The following PAWR variants were observed in gnomAD, a reference collection of about 807,000 sequenced individuals.
The protein encoded by PAWR is pro-apoptotic WT1 regulator.
A neutral mutation model predicts 32.0 loss-of-function variants in PAWR; 23 were observed. The observed-to-expected ratio is 0.72, with a 90% confidence interval of 0.52 to 1.02. The LOEUF (loss-of-function observed/expected upper bound fraction) is 1.02, where lower values mean the gene tolerates loss of function less well. Ranked by LOEUF, PAWR falls within the 50% of genes least tolerant of loss-of-function variation. The probability of loss-of-function intolerance (pLI) is 0.00; values close to 1 mark genes in which losing one functional copy is unlikely to be tolerated. For missense variants in PAWR, 457 were observed against 437.7 expected, an observed-to-expected ratio of 1.04 and a Z score of -0.39; for synonymous variants, 226 against 187.1, an observed-to-expected ratio of 1.21 and a Z score of -1.70.
Position 79,585,914 on chromosome 12 carries a change from C to T in PAWR, c.*6693G>A, listed in dbSNP as rs990015392. ...GTATAGACGGCATAACCCTGTGTTA[C>T]CCCGTTGGTATTACAGGCATGAGCC... On this transcript the variant is annotated 3_prime_UTR_variant, in exon 7 of 7. Transcript: ENST00000328827. 6.6e-6 allele frequency: 1 copy of T among 152,102 alleles called. No homozygotes were observed. Among genetic ancestry groups the T allele is most frequent in the African/African-American group, 2.4e-5 (1 of 41,400 alleles). 9.4% of individuals were successfully genotyped at this position (152,102 alleles called of 1,614,324 possible).
intron 4 of PAWR, among the ~76,000 whole-genome samples, chr12:79,607,373 C>A (rs1004419061): frequency 1.3e-5 from 2 of 152,224 alleles, no homozygotes; most frequent in East Asian, 3.9e-4. Flanking sequence ...GACTCTCTTT[C>A]TTTAACTACT....
chr12:79,676,262 C>T (rs1280427265), intron 2 of PAWR, among the ~76,000 whole-genome samples: 5 of 152,060 alleles, frequency 3.3e-5, no homozygotes, highest in South Asian at 2.1e-4. Flanking sequence ...ATTAATATGG[C>T]CTGCTTATTC....
intron 2 of PAWR, among the ~76,000 whole-genome samples, chr12:79,626,082 T>C (rs1437539737): frequency 8.5e-6 from 1 of 117,698 alleles, no homozygotes; most frequent in Admixed American, 9.7e-5. Context: ...GAGAATGGAG[T>C]GAACCCGGGA....
chr12:79,633,570 T>C (rs1292857761), intron 2 of PAWR, among the ~76,000 whole-genome samples: 1 of 152,086 alleles, frequency 6.6e-6, no homozygotes, highest in South Asian at 2.1e-4. Flanking sequence ...TAAAAACCAC[T>C]CTTGGCTCTC....
intron 4 of PAWR, among the ~76,000 whole-genome samples, chr12:79,600,813 A>G (rs1391253966): frequency 1.3e-5 from 2 of 152,104 alleles, no homozygotes. Context: ...ACAAATGACT[A>G]ACTTCAAAAT....
At chr12:79,606,485 G>A (rs1874187422) in intron 4 of PAWR, among the ~76,000 whole-genome samples, 1 of 152,120 alleles carries the variant, frequency 6.6e-6, no homozygotes, top group African/African-American at 2.4e-5. Flanking sequence ...AACTCTAGAT[G>A]TTGTTAGACT....
intron 2 of PAWR, among the ~76,000 whole-genome samples, chr12:79,646,286 G>C (rs1451821650): frequency 1.3e-5 from 2 of 152,130 alleles, no homozygotes; most frequent in African/African-American, 4.8e-5. Context: ...GGACACTCCT[G>C]CCCCGTATGC....
Position 79,690,156 on chromosome 12 carries a change from A to G in PAWR, c.89T>C (p.Met30Thr). 2 of 1,526,370 alleles carry G rather than the reference A, an allele frequency of 1.3e-6. No individual in the cohort carries two copies. The highest frequency in any genetic ancestry group is 8.8e-7 in the Non-Finnish European group (1 of 1,140,078). The allele number at this position is 1,526,370 out of a possible 1,614,324, so 94.6% of individuals were successfully genotyped here. ...GCCCGGGGGGTTCTGCTTGGCGCGC[A>G]TCTTCTCGCGTTTCGCCTTCCACTC... ...LEEWKAKREK[M>T]RAKQNPPGPA... Residue 30 changes from methionine (M) to threonine (T), a missense_variant, in exon 2 of 7, where the codon ATG becomes ACG. Transcript: ENST00000328827.
intron 2 of PAWR, among the ~76,000 whole-genome samples, chr12:79,652,385 C>T (rs1876890881): frequency 2.6e-5 from 4 of 152,138 alleles, no homozygotes. Flanking sequence ...TACAAAGATA[C>T]TCATTGGCTA....
At chr12:79,670,825 A>G (rs1877853980) in intron 2 of PAWR, among the ~76,000 whole-genome samples, 1 of 151,886 alleles carries the variant, frequency 6.6e-6, no homozygotes, top group African/African-American at 2.4e-5. Context: ...AACACAATTT[A>G]TAAATGAAAT....
intron 2 of PAWR, among the ~76,000 whole-genome samples, chr12:79,680,199 G>C (rs978224138): frequency 5.3e-5 from 8 of 152,190 alleles, no homozygotes; most frequent in African/African-American, 1.9e-4. Context: ...TGCAAGAAAT[G>C]CTCAGCAGGC....
intron 2 of PAWR, among the ~76,000 whole-genome samples, chr12:79,640,441 T>G (rs769624627): frequency 1.3e-5 from 2 of 152,184 alleles, no homozygotes; most frequent in African/African-American, 2.4e-5. Context: ...CTTCTCAAGC[T>G]GATTAGTATT....
At chr12:79,651,667 G>A (rs556664855) in intron 2 of PAWR, among the ~76,000 whole-genome samples, 53 of 140,962 alleles carry the variant, frequency 3.8e-4, no homozygotes, top group African/African-American at 1.3e-3. Flanking sequence ...CTCGAGCCTA[G>A]GAGTTCAAAG....
At chr12:79,676,683 C>T (rs1878186733) in intron 2 of PAWR, among the ~76,000 whole-genome samples, 3 of 152,238 alleles carry the variant, frequency 2.0e-5, no homozygotes, top group African/African-American at 4.8e-5. Flanking sequence ...CAAAAACCTT[C>T]GGGCTTGTTT....
At chr12:79,633,779 GA>G (rs1430533206) in intron 2 of PAWR, among the ~76,000 whole-genome samples, 3 of 152,040 alleles carry the variant, frequency 2.0e-5, no homozygotes, top group Non-Finnish European at 4.4e-5. Flanking sequence ...CTTTGAACAT[GA>G]ATATATATTT....
In PAWR at chr12:79,621,330, A is replaced by G. The variant is rs1412751218; in HGVS notation, c.517-123T>C. 25 of 736,982 alleles carry G rather than the reference A, an allele frequency of 3.4e-5. No individual in the cohort carries two copies. In the South Asian group the frequency reaches 3.4e-4, roughly 10 times the overall value. The allele number at this position is 736,982 out of a possible 1,614,324, so 45.7% of individuals were successfully genotyped here. Reference sequence around the variant, plus strand: ...CATTCAGAAATTAGTTTGCATAATAAAAGTATTTTTCTTTCAGCAATATGT... The same window carrying G: ...CATTCAGAAATTAGTTTGCATAATAGAAGTATTTTTCTTTCAGCAATATGT... On this transcript the variant is annotated intron_variant, in intron 2 of 6. Transcript: ENST00000328827.
intron 5 of PAWR, among the ~76,000 whole-genome samples, chr12:79,595,136 A>C (rs1408618823): frequency 6.6e-6 from 1 of 152,224 alleles, no homozygotes; most frequent in East Asian, 1.9e-4. Context: ...AGTTTAAAGG[A>C]GATGGCCCAA....
rs1878874442 is a variant in PAWR, at chr12:79,689,697, C to CCCGGT, written c.516+27_516+31dup. On this transcript the variant is annotated intron_variant, in intron 2 of 6. Coordinates refer to ENST00000328827, the MANE Select transcript of PAWR (RefSeq NM_002583.4). ...ACCGGGAGGCAGCTGCCCGCCCCGG[C>CCCGGT]CCGGTCCGGCTGCGGCCCCCGCCCG... is the stretch of plus-strand genomic sequence containing the variant. The CCCGGT allele has an allele frequency of 3.3e-6, 5 of 1,530,098 alleles. 1 individual carries two copies. Among genetic ancestry groups the CCCGGT allele is most frequent in the African/African-American group, 1.4e-5 (1 of 72,234 alleles). 94.8% of individuals were successfully genotyped at this position (1,530,098 alleles called of 1,614,324 possible).
chr12:79,653,641 G>A (rs1318430108), intron 2 of PAWR, among the ~76,000 whole-genome samples: 3 of 152,058 alleles, frequency 2.0e-5, no homozygotes, highest in Non-Finnish European at 4.4e-5. Flanking sequence ...CACCACGCCA[G>A]GCTAATTTTG....
Sources: allele counts gnomAD v4.1 joint callset (sites outside exome capture counted in the v4.1 genomes callset), GRCh38; gene constraint gnomAD v4.1.1; transcripts MANE v1.5; gene names NCBI Gene and HGNC (gene_info 2026-07-23, HGNC 2026-07-21).